The following DAB1 variants were observed in gnomAD, a reference collection of about 807,000 sequenced individuals.
The protein encoded by DAB1 is disabled homolog 1.
A neutral mutation model predicts 64.6 loss-of-function variants in DAB1; 15 were observed. The observed-to-expected ratio is 0.23, with a 90% CI of 0.16 to 0.36. The LOEUF is 0.36. DAB1 is among the 10% of genes least tolerant of loss of function. The pLI is 1.00. For synonymous variants in DAB1, 235 were observed against 251.9 expected (o/e 0.93, Z 0.64); for missense variants, 596 against 706.7 (o/e 0.84, Z 1.78).
intron 1 of DAB1, among the ~76,000 whole-genome samples, chr1:57,398,990 G>A (rs957160049): frequency 5.9e-5 from 9 of 152,160 alleles, no homozygotes; most frequent in Non-Finnish European, 1.0e-4. Flanking sequence ...ACTCCTGGCC[G>A]GGCTTTTGTT....
At chr1:57,232,284 C>CTTT (rs74940041) in intron 2 of DAB1, among the ~76,000 whole-genome samples, 1,650 of 81,672 alleles carry the variant, frequency 0.02, 263 homozygotes, top group East Asian at 0.13. Context: ...GCAGTGGCCA[C>CTTT]TTTTTTTTTT....
chr1:57,633,386 G>C (rs1034042347), intron 7 of DAB1, among the ~76,000 whole-genome samples: 1 of 152,234 alleles, frequency 6.6e-6, no homozygotes, highest in Non-Finnish European at 1.5e-5. Flanking sequence ...TTTCTAGTAA[G>C]TTCCCTGGTG....
rs111988607 is a variant in DAB1 at position 57,725,312 on chromosome 1, C to G, written n.552-75647G>C. Among the ~76,000 whole-genome samples, 1,507 of 152,296 alleles carry G rather than the reference C, an allele frequency of 9.9e-3. 27 individuals are homozygous for G. Among genetic ancestry groups the G allele is most frequent in the African/African-American group, 0.033 (1,372 of 41,552 alleles). On this transcript the variant is annotated intron_variant and non_coding_transcript_variant, in intron 6 of 20. Coordinates refer to the DAB1 transcript ENST00000485760. ...ATGAGAACAAATTAAAATAGCTTAT[C>G]AAGACTCACAGCATTCTCTCCAAGA...
intron 4 of DAB1, among the ~76,000 whole-genome samples, chr1:58,232,476 TACACAC>T (rs58863239): frequency 0.023 from 3,304 of 144,076 alleles, 68 homozygotes; most frequent in Middle Eastern, 0.053. Flanking sequence ...TCTGAGTGAA[TACACAC>T]ACACACACAC....
intron 3 of DAB1, among the ~76,000 whole-genome samples, chr1:58,442,950 T>C (rs61780379): frequency 0.017 from 2,616 of 152,298 alleles, 35 homozygotes; most frequent in Non-Finnish European, 0.025. Flanking sequence ...TAGGAGACAG[T>C]ATATGTAAGG....
intron 5 of DAB1, among the ~76,000 whole-genome samples, chr1:58,116,049 TA>T (rs1238036407): frequency 1.3e-5 from 2 of 150,700 alleles, no homozygotes; most frequent in Non-Finnish European, 3.0e-5. Context: ...TAAAAAAAAA[TA>T]AATAAATTAC....
chr1:58,139,546 G>C (rs1570406370), intron 5 of DAB1, among the ~76,000 whole-genome samples: 1 of 152,122 alleles, frequency 6.6e-6, no homozygotes, highest in Admixed American at 6.5e-5. Context: ...AGCATGAGGG[G>C]TAACTGCTCC....
chr1:57,186,237 T>A (rs901680851), intron 2 of DAB1, among the ~76,000 whole-genome samples: 1 of 152,200 alleles, frequency 6.6e-6, no homozygotes, highest in African/African-American at 2.4e-5. Context: ...TGTATCCGTG[T>A]TTCTCCAAAA....
chr1:57,515,027 C>T (rs532693870), intron 7 of DAB1, among the ~76,000 whole-genome samples: 28 of 151,962 alleles, frequency 1.8e-4, no homozygotes, highest in African/African-American at 7.2e-5. Context: ...AAAATTTTCC[C>T]GTGGAAGAAC....
chr1:57,078,997 C>T (rs992069614), intron 4 of DAB1, among the ~76,000 whole-genome samples: 3 of 151,914 alleles, frequency 2.0e-5, no homozygotes, highest in Non-Finnish European at 4.4e-5. Context: ...GCAAGCAGTA[C>T]CGAAAAAATG....
At chr1:57,528,636 GGACACACACA>G (rs1443873686) in intron 7 of DAB1, among the ~76,000 whole-genome samples, 1,691 of 54,784 alleles carry the variant, frequency 0.031, 14 homozygotes, top group East Asian at 0.16. Context: ...AAAAGCAGCA[GGACACACACA>G]CACACACACA....
intron 3 of DAB1, among the ~76,000 whole-genome samples, chr1:57,143,237 C>G (rs1658784942): frequency 1.3e-5 from 2 of 152,104 alleles, no homozygotes; most frequent in Admixed American, 1.3e-4. Flanking sequence ...CCCTGCAAGC[C>G]AAGTGGAATA....
At chr1:58,359,556 C>T (rs138193660) in intron 3 of DAB1, among the ~76,000 whole-genome samples, 6 of 152,286 alleles carry the variant, frequency 3.9e-5, no homozygotes, top group East Asian at 1.9e-4. Flanking sequence ...AGTGCCAGAG[C>T]TGTTCTAGCT....
chr1:57,887,853 C>T (rs1275765068), upstream of DAB1, among the ~76,000 whole-genome samples: 1 of 152,090 alleles, frequency 6.6e-6, no homozygotes, highest in Non-Finnish European at 1.5e-5. Flanking sequence ...TTTGGATAGT[C>T]ATTGTATTTA....
chr1:58,313,875 G>C (rs1174539180), intron 4 of DAB1, among the ~76,000 whole-genome samples: 3 of 151,140 alleles, frequency 2.0e-5, no homozygotes. Context: ...GAGAGAGAGA[G>C]AGAGATAAAG....
At chr1:58,016,900 T>A (rs991566032) in intron 5 of DAB1, among the ~76,000 whole-genome samples, 6 of 152,138 alleles carry the variant, frequency 3.9e-5, no homozygotes, top group Non-Finnish European at 8.8e-5. Flanking sequence ...TATTAAAACC[T>A]CCTACTTGCC....
intron 2 of DAB1, among the ~76,000 whole-genome samples, chr1:57,271,121 T>C (rs1348055109): frequency 6.6e-6 from 1 of 152,192 alleles, no homozygotes; most frequent in African/African-American, 2.4e-5. Flanking sequence ...GCTCAAAAGA[T>C]GCAGGCTGGA....
intron 6 of DAB1, among the ~76,000 whole-genome samples, chr1:57,688,326 A>T (rs948649173): frequency 2.0e-5 from 3 of 152,232 alleles, no homozygotes; most frequent in Admixed American, 2.0e-4. Context: ...GCTCATCATC[A>T]CTAATCATCA....
At chr1:58,136,974 C>T (rs890423453) in intron 5 of DAB1, among the ~76,000 whole-genome samples, 1 of 152,018 alleles carries the variant, frequency 6.6e-6, no homozygotes, top group Non-Finnish European at 1.5e-5. Flanking sequence ...ATCATTGTTG[C>T]CCCCAGGAAC....
Sources: gnomAD v4.1 joint callset for allele counts (sites outside exome capture counted in the v4.1 genomes callset) on GRCh38, gnomAD v4.1.1 for gene constraint, MANE v1.5 for transcripts, NCBI Gene and HGNC (gene_info 2026-07-23, HGNC 2026-07-21) for gene names.